Variants in ANKRD36C observed in about 807,000 individuals in gnomAD.
ANKRD36C encodes ankyrin repeat domain 36C, also known as ankyrin repeat domain-containing protein 36C.
In ANKRD36C, 61 loss-of-function variants were observed where a neutral mutation model predicts 276.4. The ratio of observed to expected loss-of-function variants is 0.22; its 90% CI spans 0.18 to 0.27. ANKRD36C has a LOEUF of 0.27. ANKRD36C is among the 10% of genes least tolerant of loss of function. The probability of loss-of-function intolerance (pLI) is 1.00; values close to 1 mark genes in which losing one functional copy is unlikely to be tolerated. For synonymous variants in ANKRD36C, 483 were observed against 680.1 expected, an observed-to-expected ratio of 0.71 and a Z score of 4.51; for missense variants, 1,447 against 2,032.3, an observed-to-expected ratio of 0.71 and a Z score of 5.54.
intron 6 of ANKRD36C, among the ~76,000 whole-genome samples, chr2:95,972,584 A>G (rs191289637): frequency 6.6e-6 from 1 of 152,210 alleles, no homozygotes; most frequent in South Asian, 2.1e-4. Flanking sequence ...CTTCTAAGTG[A>G]ATCGCCAAAC....
chr2:95,953,709 T>C (rs1343986581), intron 14 of ANKRD36C, among the ~76,000 whole-genome samples: 2 of 150,766 alleles, frequency 1.3e-5, no homozygotes, highest in African/African-American at 4.9e-5. Context: ...TTCCCAGCAA[T>C]TTTTTTTTCA....
rs1390070256 is a variant in ANKRD36C at position 95,919,791 on chromosome 2, C to T, written c.2246-1749G>A. 2.9e-5 allele frequency: 41 copies of T among 1,401,306 alleles called. 7 individuals carry two copies. The highest frequency in any genetic ancestry group is 3.9e-5 in the Non-Finnish European group (40 of 1,037,508). 86.8% of individuals were successfully genotyped at this position (1,401,306 alleles called of 1,614,324 possible). ...TGGCTATATTCAAAACAGAATCTTC[C>T]TCGTCAGTTGTAGCCTGAATGGAAT... On this transcript the variant is annotated intron_variant, in intron 34 of 66. Transcript: ENST00000456556.
At chr2:95,871,327 ACT>A (rs1385653658) in intron 59 of ANKRD36C, among the ~76,000 whole-genome samples, 1 of 152,124 alleles carries the variant, frequency 6.6e-6, no homozygotes, top group Non-Finnish European at 1.5e-5. Flanking sequence ...CTCGGCAGAA[ACT>A]CTACAAGCCG....
chr2:95,867,913 G>C (rs1292702299), intron 59 of ANKRD36C, among the ~76,000 whole-genome samples: 1 of 151,916 alleles, frequency 6.6e-6, no homozygotes, highest in Non-Finnish European at 1.5e-5. Context: ...TAGGTATTTA[G>C]ATTACCCCAT....
intron 42 of ANKRD36C, chr2:95,902,954 G>C: frequency 6.3e-7 from 1 of 1,589,568 alleles, no homozygotes; most frequent in Non-Finnish European, 8.6e-7. Flanking sequence ...CTCGTCTCTT[G>C]TAGCCTGAAT....
In ANKRD36C at chr2:95,908,422, C is replaced by A; in HGVS notation, c.2653+3822G>T. On this transcript the variant is annotated intron_variant, in intron 42 of 66. Coordinates refer to ENST00000456556, the Ensembl canonical transcript of ANKRD36C. ...AATCAGAATGTGCAGCTTCAACGAG[C>A]CCCCCGCTGATTTATTCACGGAAGA... The A allele has an allele frequency of 3.2e-6, 4 of 1,260,520 alleles. No homozygotes were observed. The South Asian group carries it at 4.2e-5, about 13-fold the overall frequency. 78.1% of individuals were successfully genotyped at this position (1,260,520 alleles called of 1,614,324 possible).
intron 4 of ANKRD36C, among the ~76,000 whole-genome samples, chr2:95,981,550 T>C (rs1678918322): frequency 6.7e-6 from 1 of 149,860 alleles, no homozygotes; most frequent in African/African-American, 2.4e-5. Context: ...CATACTTATA[T>C]GCTCAGCCAT....
At position 95,910,487 on chromosome 2, in the gene ANKRD36C, G is replaced by T. The variant is rs753276148; in HGVS notation, c.2653+1757C>A. On this transcript the variant is annotated intron_variant, in intron 42 of 66. Transcript: ENST00000456556. ...ACGAAATAATAAATAAATAAAGTAT[G>T]TTTCATAGACCATACATTAACTCGT... is the stretch of plus-strand genomic sequence containing the variant. The T allele has an allele frequency of 3.1e-6, 5 of 1,599,944 alleles. No individual in the cohort carries two copies. In the East Asian group the frequency reaches 9.1e-5, roughly 29 times the overall value.
At chr2:95,914,939 C>T (rs1677048665) in intron 38 of ANKRD36C, among the ~76,000 whole-genome samples, 7 of 151,330 alleles carry the variant, frequency 4.6e-5, no homozygotes, top group Admixed American at 4.0e-4. Context: ...TTTAGCCTTC[C>T]AAACGTTTCT....
intron 20 of ANKRD36C, among the ~76,000 whole-genome samples, chr2:95,939,509 T>A (rs1185515789): frequency 6.5e-4 from 97 of 148,306 alleles, no homozygotes; most frequent in African/African-American, 2.5e-3. Flanking sequence ...ATCGAGACCA[T>A]CCTGGCTAAC....
chr2:95,961,859 T>C (rs1338640081), intron 8 of ANKRD36C, among the ~76,000 whole-genome samples: 2 of 152,054 alleles, frequency 1.3e-5, no homozygotes, highest in African/African-American at 2.4e-5. Flanking sequence ...ATTACATAAA[T>C]AACATCTTCT....
At chr2:95,913,957 G>C in intron 40 of ANKRD36C, 151 bp downstream of exon 42, 1 of 849,962 alleles carries the variant, frequency 1.2e-6, no homozygotes, top group South Asian at 1.7e-5. Context: ...AGCAGCATCA[G>C]CATCACCCAA....
intron 46 of ANKRD36C, among the ~76,000 whole-genome samples, chr2:95,890,448 A>C (rs1676314953): frequency 6.6e-6 from 1 of 151,492 alleles, no homozygotes; most frequent in Non-Finnish European, 1.5e-5. Context: ...CTGAGAAGGC[A>C]CAGAATTACG....
At chr2:95,851,725 C>A in exon 66 of ANKRD36C, 1 of 1,526,758 alleles carries the variant, frequency 6.5e-7, no homozygotes, top group Non-Finnish European at 8.9e-7. Context: ...TTTCTCAAAC[C>A]GCTCAATTTG....
chr2:95,945,362 T>G (rs113752003), intron 17 of ANKRD36C, among the ~76,000 whole-genome samples, 188 bp from the exon 18 acceptor site: 92 of 144,828 alleles, frequency 6.4e-4, no homozygotes, highest in Non-Finnish European at 9.4e-4. Flanking sequence ...TGATTGGTGA[T>G]ACAGATATTC....
At chr2:95,854,176 C>T (rs2595351) in intron 63 of ANKRD36C, among the ~76,000 whole-genome samples, 29 of 151,422 alleles carry the variant, frequency 1.9e-4, no homozygotes, top group Admixed American at 5.9e-4. Context: ...GTGAGACTGA[C>T]GGTAGTAAAT....
At chr2:95,881,338 T>C (rs1286478039) in intron 56 of ANKRD36C, among the ~76,000 whole-genome samples, 1 of 152,256 alleles carries the variant, frequency 6.6e-6, no homozygotes, top group Non-Finnish European at 1.5e-5. Flanking sequence ...TACATATTTA[T>C]ACAAAATGGA....
intron 8 of ANKRD36C, among the ~76,000 whole-genome samples, chr2:95,961,843 C>T (rs1289709827): frequency 2.6e-5 from 4 of 151,910 alleles, no homozygotes; most frequent in Non-Finnish European, 5.9e-5. Flanking sequence ...CAGCAGAAAC[C>T]CCAAAATTAC....
exon 34 of ANKRD36C, chr2:95,921,612 C>G: frequency 6.2e-7 from 1 of 1,606,356 alleles, no homozygotes; most frequent in Non-Finnish European, 8.5e-7. Flanking sequence ...ATTACCTGTC[C>G]CAGATTTTTC....
Sources: gnomAD v4.1 joint callset for allele counts (sites outside exome capture counted in the v4.1 genomes callset) on GRCh38, gnomAD v4.1.1 for gene constraint, MANE v1.5 for transcripts, NCBI Gene and HGNC (gene_info 2026-07-23, HGNC 2026-07-21) for gene names.